The following KCNJ6 variants were observed in gnomAD, a reference collection of about 807,000 sequenced individuals.
KCNJ6 encodes the protein G protein-activated inward rectifier potassium channel 2.
In KCNJ6, 9 loss-of-function variants were observed where a neutral mutation model predicts 34.2. The ratio of observed to expected loss-of-function variants is 0.26; its 90% CI spans 0.16 to 0.46. The LOEUF is 0.46. Among genes scored for constraint, KCNJ6 ranks in the 20% least tolerant of loss-of-function variants. KCNJ6 has a pLI of 1.00. For synonymous variants in KCNJ6, 196 were observed against 207.1 expected, an observed-to-expected ratio of 0.95 and a Z score of 0.46; for missense variants, 236 against 531.3, an observed-to-expected ratio of 0.44 and a Z score of 5.46.
At chr21:37,797,520 C>T (rs1057270747) in intron 2 of KCNJ6, among the ~76,000 whole-genome samples, 3 of 152,072 alleles carry the variant, frequency 2.0e-5, no homozygotes, top group Non-Finnish European at 2.9e-5. Context: ...GCTGTATTTC[C>T]CTGACAGAAT....
At chr21:37,857,283 A>G (rs1568874122) in intron 1 of KCNJ6, among the ~76,000 whole-genome samples, 1 of 152,184 alleles carries the variant, frequency 6.6e-6, no homozygotes, top group East Asian at 1.9e-4. Flanking sequence ...TGAGTGAGAA[A>G]CGATGCCTAG....
rs1180971929 is a variant in KCNJ6 at position 37,619,733 on chromosome 21, T to A, written c.*5426A>T. On this transcript the variant is annotated 3_prime_UTR_variant, in exon 4 of 4. Transcript: ENST00000609713. ...TTTGATGTGTGGCAACCACTGCAGG[T>A]CTGGGCTGCTTTGCTGAGCAGAGAC... is the stretch of plus-strand genomic sequence containing the variant. 1 of 152,170 alleles carries A rather than the reference T, an allele frequency of 6.6e-6. No homozygotes were observed. The highest frequency in any genetic ancestry group is 1.5e-5 in the Non-Finnish European group (1 of 68,070). The allele number at this position is 152,170 out of a possible 1,614,324, so 9.4% of individuals were successfully genotyped here. A position where few individuals can be genotyped will look rare whatever the true frequency, so the allele number is the denominator to read the frequency against.
At position 37,756,642 on chromosome 21, in the gene KCNJ6, C is replaced by A. The variant is rs9978151; in HGVS notation, c.26-41511G>T. Among the ~76,000 whole-genome samples, 9 of 58,670 alleles carry A rather than the reference C, an allele frequency of 1.5e-4. No individual in the cohort carries two copies. The South Asian group carries it at 1.6e-3, about 10-fold the overall frequency. The allele number at this position is 58,670 out of a possible 152,430, so 38.5% of individuals were successfully genotyped here. A position where few individuals can be genotyped will look rare whatever the true frequency, so the allele number is the denominator to read the frequency against. On this transcript the variant is annotated intron_variant, in intron 2 of 3. Coordinates refer to ENST00000609713, the MANE Select transcript of KCNJ6 (RefSeq NM_002240.5). ...TGATTCCAGCCCAGAGTGAGCACTC[C>A]CTCACAGCGTGATGATTCCAGCCTG...
chr21:37,712,895 C>G (rs1191210811), intron 3 of KCNJ6, among the ~76,000 whole-genome samples: 3 of 151,764 alleles, frequency 2.0e-5, no homozygotes, highest in Non-Finnish European at 4.4e-5. Flanking sequence ...GCACTTATGT[C>G]TTATTTTGCA....
chr21:37,663,163 G>A (rs2054497828), intron 3 of KCNJ6, among the ~76,000 whole-genome samples: 1 of 152,054 alleles, frequency 6.6e-6, no homozygotes, highest in Non-Finnish European at 1.5e-5. Flanking sequence ...AGAAAGGCTT[G>A]ACTTGTGTTT....
At chr21:37,685,172 G>A (rs1356867235) in intron 3 of KCNJ6, among the ~76,000 whole-genome samples, 1 of 152,064 alleles carries the variant, frequency 6.6e-6, no homozygotes, top group Non-Finnish European at 1.5e-5. Context: ...CCAACTACAT[G>A]CTAGAAAACA....
chr21:37,772,451 C>T (rs1477376400), intron 2 of KCNJ6, among the ~76,000 whole-genome samples: 1 of 152,084 alleles, frequency 6.6e-6, no homozygotes, highest in African/African-American at 2.4e-5. Flanking sequence ...TTCATTCAGG[C>T]ACTTAATAGT....
intron 2 of KCNJ6, among the ~76,000 whole-genome samples, chr21:37,736,173 C>T (rs2123472175): frequency 7.0e-6 from 1 of 143,318 alleles, no homozygotes; most frequent in South Asian, 2.4e-4. Flanking sequence ...CAGGCACCTC[C>T]TGTGTACCGA....
intron 3 of KCNJ6, among the ~76,000 whole-genome samples, chr21:37,687,704 C>T (rs1185966061): frequency 1.3e-5 from 2 of 152,152 alleles, no homozygotes; most frequent in Non-Finnish European, 2.9e-5. Flanking sequence ...TCTGGGAGAC[C>T]AGTCAGCTCT....
chr21:37,620,770 A>T lies in KCNJ6; in HGVS notation c.*4389T>A, dbSNP rs2054287667. The T allele has an allele frequency of 6.6e-6, 1 of 152,204 alleles. No individual in the cohort carries two copies. Among genetic ancestry groups the T allele is most frequent in the East Asian group, 1.9e-4 (1 of 5,204 alleles). 9.4% of individuals were successfully genotyped at this position (152,204 alleles called of 1,614,324 possible). ...AAGATAATTTGTACAAGTGCTCTTA[A>T]TGCTCTCAAACACCACACCATGTTG... On this transcript the variant is annotated 3_prime_UTR_variant, in exon 4 of 4. Coordinates refer to ENST00000609713, the MANE Select transcript of KCNJ6 (RefSeq NM_002240.5).
chr21:37,662,727 A>G (rs2054495580), intron 3 of KCNJ6, among the ~76,000 whole-genome samples: 1 of 152,230 alleles, frequency 6.6e-6, no homozygotes, highest in Admixed American at 6.5e-5. Context: ...TCCCACCAAC[A>G]GTGTAAAAAC....
At chr21:37,767,765 G>T (rs1232277606) in intron 2 of KCNJ6, among the ~76,000 whole-genome samples, 4 of 152,172 alleles carry the variant, frequency 2.6e-5, no homozygotes, top group African/African-American at 9.7e-5. Flanking sequence ...ATGGGCAAAA[G>T]GTTTGTTTTT....
intron 3 of KCNJ6, among the ~76,000 whole-genome samples, chr21:37,639,411 ACTGT>A (rs2123375502): frequency 6.6e-6 from 1 of 152,324 alleles, no homozygotes; most frequent in East Asian, 1.9e-4. Flanking sequence ...CAATCAAAAC[ACTGT>A]GTTCAAAAGT....
chr21:37,802,757 C>T (rs1460134047), intron 2 of KCNJ6, among the ~76,000 whole-genome samples: 2 of 152,292 alleles, frequency 1.3e-5, no homozygotes, highest in African/African-American at 2.4e-5. Context: ...AGGTGACTTA[C>T]AGCCATCCTT....
At chr21:37,788,440 T>G (rs556669859) in intron 2 of KCNJ6, among the ~76,000 whole-genome samples, 2 of 152,202 alleles carry the variant, frequency 1.3e-5, no homozygotes, top group Non-Finnish European at 2.9e-5. Context: ...ATACTTCCTA[T>G]AATTTGACCA....
chr21:37,796,779 CTTTTTTTTTTT>C (rs1172378200), intron 2 of KCNJ6, among the ~76,000 whole-genome samples: 4 of 71,476 alleles, frequency 5.6e-5, no homozygotes, highest in South Asian at 5.1e-4. Context: ...TTCTTTCTTT[CTTTTTTTTTTT>C]TTTTTTTTTT....
intron 3 of KCNJ6, among the ~76,000 whole-genome samples, chr21:37,642,354 G>C (rs1212853930): frequency 1.3e-5 from 2 of 152,206 alleles, no homozygotes; most frequent in Non-Finnish European, 2.9e-5. Context: ...TGGAGAGGCA[G>C]TAGAAGATCC....
intron 3 of KCNJ6, among the ~76,000 whole-genome samples, chr21:37,654,803 C>A (rs972775091): frequency 1.1e-4 from 16 of 152,196 alleles, no homozygotes; most frequent in African/African-American, 3.9e-4. Context: ...GCATCTTCAT[C>A]CTGTCTGCAC....
intron 1 of KCNJ6, among the ~76,000 whole-genome samples, chr21:37,901,599 G>T (rs1275696980): frequency 6.6e-6 from 1 of 152,208 alleles, no homozygotes; most frequent in Admixed American, 6.5e-5. Context: ...TTGGATAATT[G>T]ACTCAACCAG....
Sources: allele counts gnomAD v4.1 joint callset (sites outside exome capture counted in the v4.1 genomes callset), GRCh38; gene constraint gnomAD v4.1.1; transcripts MANE v1.5; gene names NCBI Gene and HGNC (gene_info 2026-07-23, HGNC 2026-07-21).